ASB10: variants seen among roughly 807,000 people sequenced by gnomAD.
ASB10 encodes ankyrin repeat and SOCS box protein 10.
A neutral mutation model predicts 35.4 loss-of-function variants in ASB10; 44 were observed. The ratio of observed to expected loss-of-function variants is 1.24; its 90% CI spans 0.98 to 1.60. The LOEUF (loss-of-function observed/expected upper bound fraction) is 1.60, where lower values mean the gene tolerates loss of function less well. Among genes scored for constraint, ASB10 ranks in the 40% most tolerant of loss-of-function variants. The probability of loss-of-function intolerance (pLI) is 0.00; values close to 1 mark genes in which losing one functional copy is unlikely to be tolerated. For synonymous variants in ASB10, 294 were observed against 280.4 expected, an observed-to-expected ratio of 1.05 and a Z score of -0.49; for missense variants, 647 against 634.3, an observed-to-expected ratio of 1.02 and a Z score of -0.22.
chr7:151,182,715 G>C (rs1801517450), intron 2 of ASB10, among the ~76,000 whole-genome samples: 1 of 152,192 alleles, frequency 6.6e-6, no homozygotes, highest in African/African-American at 2.4e-5. Context: ...TTGAGCTCCT[G>C]TTCCCTCGTG....
intron 3 of ASB10, among the ~76,000 whole-genome samples, chr7:151,178,410 A>C (rs1055346763): frequency 2.0e-5 from 3 of 152,218 alleles, no homozygotes; most frequent in Admixed American, 6.5e-5. Flanking sequence ...TGGTCAGAAA[A>C]GTGGCCTGAC....
At chr7:151,185,587 T>C (rs1407223345) in intron 2 of ASB10, among the ~76,000 whole-genome samples, 1 of 152,144 alleles carries the variant, frequency 6.6e-6, no homozygotes, top group Non-Finnish European at 1.5e-5. Flanking sequence ...AGAGGGTCCA[T>C]GAAAGGAGAA....
intron 3 of ASB10, among the ~76,000 whole-genome samples, 157 bp from the exon 4 acceptor site, chr7:151,176,833 C>G (rs1346607716): frequency 6.6e-6 from 1 of 152,206 alleles, no homozygotes; most frequent in Non-Finnish European, 1.5e-5. Flanking sequence ...GAAATAGGGT[C>G]TTTGCAAATG....
rs571446944 is a variant in ASB10 at position 151,185,171 on chromosome 7, T to C, written c.584+1221A>G. Among the ~76,000 whole-genome samples the C allele has an allele frequency of 6.7e-4, 99 of 146,828 alleles. 1 individual carries two copies. Among genetic ancestry groups the C allele is most frequent in the African/African-American group, 2.4e-3 (95 of 39,642 alleles). Reference sequence around the variant, plus strand: ...CTTTGTCTCCCAGGCTGGAGTGCAGTGGCGCAATCTAATCTCCGCTCACTG... The same window carrying C: ...CTTTGTCTCCCAGGCTGGAGTGCAGCGGCGCAATCTAATCTCCGCTCACTG... On this transcript the variant is annotated intron_variant, in intron 2 of 5. Transcript: ENST00000420175.
chr7:151,179,426 G>A (rs1364040995), intron 3 of ASB10, among the ~76,000 whole-genome samples: 2 of 152,206 alleles, frequency 1.3e-5, no homozygotes, highest in Non-Finnish European at 2.9e-5. Flanking sequence ...TGCTTGCTCC[G>A]ACTGTTCCCC....
chr7:151,186,780 C>A (rs368771025), intron 1 of ASB10, 35 bp downstream of exon 1: 2 of 1,546,756 alleles, frequency 1.3e-6, no homozygotes, highest in Non-Finnish European at 1.8e-6. Flanking sequence ...CCTCCCCTCT[C>A]TCCCACTGAG....
intron 2 of ASB10, among the ~76,000 whole-genome samples, chr7:151,182,465 C>T (rs1325664243): frequency 1.3e-5 from 2 of 152,080 alleles, no homozygotes; most frequent in African/African-American, 2.4e-5. Context: ...GTAATCCCAG[C>T]TACTTGGGAG....
chr7:151,178,210 C>A (rs984609734), intron 3 of ASB10, among the ~76,000 whole-genome samples: 7 of 152,136 alleles, frequency 4.6e-5, no homozygotes, highest in African/African-American at 1.7e-4. Flanking sequence ...GATCGTGCCA[C>A]GGCACGTGTG....
rs1801386306 is a variant in ASB10, at chr7:151,176,282, A to G, written c.1234T>C (p.Tyr412His). 1.9e-6 allele frequency: 3 copies of G among 1,551,492 alleles called. No homozygotes were observed. In the South Asian group the frequency reaches 3.7e-5, roughly 19 times the overall value. ...CTCACCAAGGCGAAGAGGGAGGAGT[A>G]GAAACGCTGATGTTTCTGGGGGCAG... ...PETLQKHQRF[Y>H]SSLFALVRQP... Residue 412 changes from tyrosine to histidine, a missense_variant, in exon 5 of 6, where the codon TAC becomes CAC. Tyr to His is a moderately conservative substitution (Grantham distance 83). Coordinates refer to ENST00000420175, the MANE Select transcript of ASB10 (RefSeq NM_001142459.2).
In ASB10 at chr7:151,181,304, C is replaced by A. The variant is rs764009407; in HGVS notation, c.739G>T (p.Glu247Ter). 3.1e-6 allele frequency: 5 copies of A among 1,613,236 alleles called. No individual in the cohort carries two copies. Among genetic ancestry groups the A allele is most frequent in the Non-Finnish European group, 4.2e-6 (5 of 1,180,006 alleles). Residue 247 changes from glutamate (E) to a stop codon, truncating the protein, a stop_gained, in exon 3 of 6, where the codon GAA (glutamate) becomes TAA (stop). Coordinates refer to ENST00000420175, the MANE Select transcript of ASB10 (RefSeq NM_001142459.2). LOFTEE classifies it high-confidence loss of function. ...RGACPDARNA[E>*]GWTPLLAACD... ...GCAGCCAGCAGTGGGGTCCAGCCTTCGGCATTGCGGGCATCAGGACATGCC... is the reference window on the plus strand; with the variant it reads ...GCAGCCAGCAGTGGGGTCCAGCCTTAGGCATTGCGGGCATCAGGACATGCC...
intron 1 of ASB10, 52 bp downstream of exon 1, chr7:151,186,763 T>G (rs1405620712): frequency 6.5e-7 from 1 of 1,534,580 alleles, no homozygotes; most frequent in Non-Finnish European, 8.8e-7. Flanking sequence ...CAGAGCTCCA[T>G]CTGCAGCCTC....
In ASB10 at chr7:151,186,134, A is replaced by G. The variant is rs2257069; in HGVS notation, c.584+258T>C. Among the ~76,000 whole-genome samples, 39,758 of 152,118 alleles carry G rather than the reference A, an allele frequency of 0.26. 5,304 individuals carry two copies. Among genetic ancestry groups the G allele is most frequent in the Non-Finnish European group, 0.28 (19,092 of 67,984 alleles). On this transcript the variant is annotated intron_variant, in intron 2 of 5. Transcript: ENST00000420175. ...CCATAATGGAGCCAGGCAATTTCCC[A>G]ATGCGGGCCATGCAACTGCACCCCT...
At chr7:151,183,326 G>A (rs181451234) in intron 2 of ASB10, among the ~76,000 whole-genome samples, 71 of 152,294 alleles carry the variant, frequency 4.7e-4, no homozygotes, top group Admixed American at 1.9e-3. Context: ...GATTGTTTGA[G>A]CCAAGTAGTT....
At chr7:151,178,081 C>G (rs10240835) in intron 3 of ASB10, among the ~76,000 whole-genome samples, 13 of 152,256 alleles carry the variant, frequency 8.5e-5, no homozygotes, top group African/African-American at 3.1e-4. Flanking sequence ...AACCCTGTCT[C>G]TACTAAAAAT....
At chr7:151,181,616 T>TC in intron 2 of ASB10, among the ~76,000 whole-genome samples, 158 bp from the exon 3 acceptor site, 1 of 79,986 alleles carries the variant, frequency 1.3e-5, no homozygotes, top group African/African-American at 4.5e-5. Context: ...GTGCCCTTCT[T>TC]TTTTTTTTTT....
intron 2 of ASB10, among the ~76,000 whole-genome samples, chr7:151,185,291 G>T (rs1801569068): frequency 6.6e-6 from 1 of 151,326 alleles, no homozygotes; most frequent in Admixed American, 6.6e-5. Context: ...GCTAATTTTT[G>T]TATTTTTAGT....
chr7:151,185,112 C>T (rs893015318), intron 2 of ASB10, among the ~76,000 whole-genome samples: 34 of 127,984 alleles, frequency 2.7e-4, no homozygotes, highest in African/African-American at 8.8e-4. Context: ...ACATATTTGT[C>T]TTTTTTTTTT....
chr7:151,180,471 C>T (rs1801464104), intron 3 of ASB10, among the ~76,000 whole-genome samples: 1 of 152,110 alleles, frequency 6.6e-6, no homozygotes. Context: ...CTTGGACAGC[C>T]TCTCCTGCAT....
At position 151,186,432 on chromosome 7, in the gene ASB10, T is replaced by A. The variant is rs1256836847; in HGVS notation, c.544A>T (p.Lys182Ter). The change falls in exon 2 of 6, where the codon AAA (lysine) becomes TAA (stop). Residue 182 changes from lysine to a stop codon, truncating the protein, a stop_gained. Coordinates refer to ENST00000420175, the MANE Select transcript of ASB10 (RefSeq NM_001142459.2). LOFTEE classifies it high-confidence loss of function. ...ADPNIADQDG[K>*]RPLHLCRGPG... Reference sequence around the variant, plus strand: ...CCCCGGCAGAGATGCAGGGGGCGTTTCCCATCCTGGTCAGCGATGTTGGGG... The same window carrying A: ...CCCCGGCAGAGATGCAGGGGGCGTTACCCATCCTGGTCAGCGATGTTGGGG... The A allele has an allele frequency of 6.3e-7, 1 of 1,589,054 alleles. No homozygotes were observed. Among genetic ancestry groups the A allele is most frequent in the Non-Finnish European group, 8.6e-7 (1 of 1,167,972 alleles).
Sources: gnomAD v4.1 joint callset for allele counts (sites outside exome capture counted in the v4.1 genomes callset) on GRCh38, gnomAD v4.1.1 for gene constraint, MANE v1.5 for transcripts, NCBI Gene and HGNC (gene_info 2026-07-23, HGNC 2026-07-21) for gene names.